Variants in SOAT1 observed in about 807,000 individuals in gnomAD.
SOAT1 encodes the protein sterol O-acyltransferase 1, also known as acyl-coenzyme A:cholesterol acyltransferase 1.
Under a neutral mutation model 69.5 loss-of-function variants are expected in SOAT1, and 55 were observed. The observed-to-expected ratio is 0.79, with a 90% CI of 0.64 to 0.99. The LOEUF (loss-of-function observed/expected upper bound fraction) is 0.99. Among genes scored for constraint, SOAT1 ranks in the 50% least tolerant of loss-of-function variants. The pLI is 0.00. For missense variants in SOAT1, 580 were observed against 669.3 expected (o/e 0.87, Z 1.47); for synonymous variants, 231 against 224.7 (o/e 1.03, Z -0.25).
chr1:179,350,829 A>G (rs955282292), intron 14 of SOAT1, among the ~76,000 whole-genome samples: 1 of 152,156 alleles, frequency 6.6e-6, no homozygotes, highest in Non-Finnish European at 1.5e-5. Context: ...ATATATACAC[A>G]TGTTCTGAAA....
chr1:179,324,414 A>G (rs188551407), intron 3 of SOAT1, among the ~76,000 whole-genome samples: 1 of 152,026 alleles, frequency 6.6e-6, no homozygotes, highest in East Asian at 1.9e-4. Flanking sequence ...ATTAAAGAAC[A>G]TATTTGCTTA....
At chr1:179,339,772 T>A (rs1457543261) in intron 6 of SOAT1, among the ~76,000 whole-genome samples, 3 of 152,226 alleles carry the variant, frequency 2.0e-5, no homozygotes, top group Admixed American at 6.5e-5. Flanking sequence ...AATCAGTAAT[T>A]TCTAGGTAAT....
intron 4 of SOAT1, 67 bp downstream of exon 4, chr1:179,335,724 T>A: frequency 6.9e-7 from 1 of 1,450,222 alleles, no homozygotes; most frequent in Non-Finnish European, 9.3e-7. Context: ...GAAAATGGAC[T>A]GCGGCAAATA....
rs553904302 is a variant in SOAT1 at position 179,303,750 on chromosome 1, A to G, written c.118+948A>G. Reference sequence around the variant, plus strand: ...GCATATGGGCTAGTTTTAGTGTGATATAAAATGTGAAATTTATGCAAAGGA... The same window carrying G: ...GCATATGGGCTAGTTTTAGTGTGATGTAAAATGTGAAATTTATGCAAAGGA... On this transcript the variant is annotated intron_variant, in intron 2 of 15. Coordinates refer to ENST00000367619, the MANE Select transcript of SOAT1 (RefSeq NM_003101.6). 2.5e-4 allele frequency among the ~76,000 whole-genome samples: 38 copies of G among 152,320 alleles called. No homozygotes were observed. The South Asian group carries it at 7.3e-3, about 29-fold the overall frequency.
chr1:179,340,396 C>T (rs1248479403), intron 6 of SOAT1, among the ~76,000 whole-genome samples: 4 of 152,110 alleles, frequency 2.6e-5, no homozygotes, highest in African/African-American at 4.8e-5. Context: ...ATAGGAGGAT[C>T]GCTTGAGCCA....
intron 14 of SOAT1, among the ~76,000 whole-genome samples, chr1:179,351,017 C>CTTTT (rs1558060562): frequency 5.0e-4 from 7 of 13,942 alleles, no homozygotes; most frequent in African/African-American, 1.5e-3. Flanking sequence ...CTGTATATTT[C>CTTTT]TTTCTTTTTT....
chr1:179,345,051 A>C lies in SOAT1; in HGVS notation c.1092A>C (p.Leu364=), dbSNP rs753077876. Reference sequence around the variant, plus strand: ...CCTTCAGCGCTCGTGTTCTGGTCCTATGTGTATTTAACTCCATCTTGCCAG... The same window carrying C: ...CCTTCAGCGCTCGTGTTCTGGTCCTCTGTGTATTTAACTCCATCTTGCCAG... ...QEPFSARVLV[L]CVFNSILPGV... is the part of the protein sequence containing the mutation. The change falls in exon 11 of 16, where the codon CTA becomes CTC. Residue 364 remains leucine, a synonymous_variant. Transcript: ENST00000367619. 30 of 1,613,976 alleles carry C rather than the reference A, an allele frequency of 1.9e-5. No individual in the cohort carries two copies. Among genetic ancestry groups the C allele is most frequent in the Non-Finnish European group, 1.8e-5 (21 of 1,179,988 alleles).
intron 3 of SOAT1, among the ~76,000 whole-genome samples, chr1:179,327,796 T>G (rs1448026573): frequency 6.6e-6 from 1 of 152,174 alleles, no homozygotes; most frequent in Non-Finnish European, 1.5e-5. Flanking sequence ...AACCTTTTAG[T>G]CTGAAGGGAA....
At chr1:179,297,863 C>G (rs1664704647) in intron 1 of SOAT1, among the ~76,000 whole-genome samples, 1 of 151,332 alleles carries the variant, frequency 6.6e-6, no homozygotes, top group African/African-American at 2.4e-5. Flanking sequence ...ACAAAATTAG[C>G]TGGGTGTGGT....
intron 2 of SOAT1, among the ~76,000 whole-genome samples, chr1:179,305,196 A>T (rs1465760001): frequency 6.6e-6 from 1 of 152,148 alleles, no homozygotes; most frequent in African/African-American, 2.4e-5. Flanking sequence ...TTCGTAGAAC[A>T]TGTGGCCTTT....
Position 179,316,266 on chromosome 1 carries a change from T to C in SOAT1, c.119-7171T>C, listed in dbSNP as rs114699588. Among the ~76,000 whole-genome samples, 445 of 152,338 alleles carry C rather than the reference T, an allele frequency of 2.9e-3. 4 individuals carry two copies. Among genetic ancestry groups the C allele is most frequent in the African/African-American group, 9.9e-3 (412 of 41,588 alleles). Reference sequence around the variant, plus strand: ...ACATTCCACTGTCTCCTGGCTTCCATTGATGTTAAGTCAGGTATGCGTTGT... The same window carrying C: ...ACATTCCACTGTCTCCTGGCTTCCACTGATGTTAAGTCAGGTATGCGTTGT... On this transcript the variant is annotated intron_variant, in intron 2 of 15. Transcript: ENST00000367619.
intron 14 of SOAT1, among the ~76,000 whole-genome samples, chr1:179,350,986 T>C (rs1201743463): frequency 6.6e-6 from 1 of 151,556 alleles, no homozygotes; most frequent in Non-Finnish European, 1.5e-5. Context: ...CCTCATCTTC[T>C]GATAAATTAT....
At chr1:179,301,945 T>G (rs183690539) in intron 1 of SOAT1, among the ~76,000 whole-genome samples, 3 of 152,260 alleles carry the variant, frequency 2.0e-5, no homozygotes, top group East Asian at 3.9e-4. Context: ...GAACTTAAGG[T>G]ATTGTTTTTA....
At chr1:179,334,465 G>T (rs1208004042) in intron 3 of SOAT1, among the ~76,000 whole-genome samples, 1 of 152,034 alleles carries the variant, frequency 6.6e-6, no homozygotes, top group Non-Finnish European at 1.5e-5. Flanking sequence ...AAAAGTATTT[G>T]GAAAGCTGTG....
chr1:179,313,566 A>G (rs963850123), intron 2 of SOAT1, among the ~76,000 whole-genome samples: 3 of 148,550 alleles, frequency 2.0e-5, no homozygotes, highest in African/African-American at 7.4e-5. Context: ...ATATATATGT[A>G]TATGTGTGTA....
At position 179,302,650 on chromosome 1, in the gene SOAT1, G is replaced by A. The variant is rs757746996; in HGVS notation, c.-8-27G>A. 3.2e-5 allele frequency: 48 copies of A among 1,488,898 alleles called. No individual in the cohort carries two copies. In the Middle Eastern group the frequency reaches 8.8e-4, roughly 27 times the overall value. The allele number at this position is 1,488,898 out of a possible 1,614,324, so 92.2% of individuals were successfully genotyped here. A position where few individuals can be genotyped will look rare whatever the true frequency, so the allele number is the denominator to read the frequency against. On this transcript the variant is annotated intron_variant, in intron 1 of 15. Transcript: ENST00000367619. ...TAGCAGTGTGAAAACGGACTAATAC[G>A]AAAGCTTTTTACACCTTCTTTCCTA...
intron 9 of SOAT1, 67 bp downstream of exon 9, chr1:179,343,010 TA>T: frequency 8.3e-7 from 1 of 1,204,138 alleles, no homozygotes; most frequent in African/African-American, 1.5e-5. Flanking sequence ...GTGGGATAGG[TA>T]AACAGGGGCC....
chr1:179,303,513 T>C (rs1664904667), intron 2 of SOAT1, among the ~76,000 whole-genome samples: 1 of 152,246 alleles, frequency 6.6e-6, no homozygotes, highest in South Asian at 2.1e-4. Flanking sequence ...GATTGTTTAG[T>C]TAACAAATAG....
Position 179,303,152 on chromosome 1 carries a change from A to G in SOAT1, c.118+350A>G, listed in dbSNP as rs189888716. On this transcript the variant is annotated intron_variant, in intron 2 of 15. Coordinates refer to ENST00000367619, the MANE Select transcript of SOAT1 (RefSeq NM_003101.6). Reference sequence around the variant, plus strand: ...AATGACAAAACCTCCAAAATCATACACATAACTAGATTTATCACAGTGTAA... The same window carrying G: ...AATGACAAAACCTCCAAAATCATACGCATAACTAGATTTATCACAGTGTAA... Among the ~76,000 whole-genome samples the G allele has an allele frequency of 6.4e-4, 97 of 152,336 alleles. No homozygotes were observed. The South Asian group carries it at 7.9e-3, about 12-fold the overall frequency.
Sources: gnomAD v4.1 joint callset for allele counts (sites outside exome capture counted in the v4.1 genomes callset) on GRCh38, gnomAD v4.1.1 for gene constraint, MANE v1.5 for transcripts, NCBI Gene and HGNC (gene_info 2026-07-23, HGNC 2026-07-21) for gene names.